Variants in KALRN observed in about 807,000 individuals in gnomAD.
KALRN encodes the protein kalirin.
Under a neutral mutation model 353.7 loss-of-function variants are expected in KALRN, and 70 were observed. That is an observed-to-expected ratio of 0.20 (90% CI 0.16 to 0.24). The LOEUF is 0.24. KALRN is among the 10% of genes least tolerant of loss of function. The pLI is 1.00. For missense variants in KALRN, 2,791 were observed against 3,756.7 expected (o/e 0.74, Z 6.72); for synonymous variants, 1,391 against 1,434.8 (o/e 0.97, Z 0.69).
chr3:124,179,136 G>A (rs1311191089), intron 1 of KALRN, among the ~76,000 whole-genome samples: 1 of 151,906 alleles, frequency 6.6e-6, no homozygotes, highest in Non-Finnish European at 1.5e-5. Flanking sequence ...TAAATGTTTT[G>A]TTTAACCTTA....
At chr3:124,717,522 T>TAA (rs781722322) in intron 59 of KALRN, 137 bp downstream of exon 59, 11 of 503,848 alleles carry the variant, frequency 2.2e-5, no homozygotes, top group South Asian at 8.1e-5. Context: ...CCGTCTCTAC[T>TAA]AAAAATACAA....
intron 1 of KALRN, among the ~76,000 whole-genome samples, chr3:124,185,757 A>G (rs532891063): frequency 6.6e-6 from 1 of 152,230 alleles, no homozygotes; most frequent in African/African-American, 2.4e-5. Flanking sequence ...AGGTGGGGAG[A>G]GGGAGAAGAG....
At chr3:124,428,085 A>G (rs533101241) in intron 15 of KALRN, among the ~76,000 whole-genome samples, 1 of 152,328 alleles carries the variant, frequency 6.6e-6, no homozygotes, top group African/African-American at 2.4e-5. Flanking sequence ...GATGTTTCTT[A>G]ACTTGCACAT....
intron 1 of KALRN, among the ~76,000 whole-genome samples, chr3:124,195,517 G>C (rs1271348882): frequency 2.0e-5 from 3 of 152,070 alleles, no homozygotes; most frequent in Non-Finnish European, 4.4e-5. Context: ...GGTGAGAGGA[G>C]GGAAGAAATC....
chr3:124,110,897 T>G (rs1290536706), intron 1 of KALRN, among the ~76,000 whole-genome samples: 4 of 152,234 alleles, frequency 2.6e-5, no homozygotes, highest in Admixed American at 2.6e-4. Flanking sequence ...TCTGCTTTCC[T>G]ACTCCTCCTG....
intron 1 of KALRN, among the ~76,000 whole-genome samples, chr3:124,056,234 ATTTG>A (rs771469199): frequency 1.3e-5 from 2 of 152,022 alleles, no homozygotes; most frequent in African/African-American, 2.4e-5. Context: ...TTGAAAGGAA[ATTTG>A]TTTGTGTTTA....
At position 124,329,502 on chromosome 3, in the gene KALRN, T is replaced by C. The variant is rs185480783; in HGVS notation, c.1285-359T>C. ...ACAGCCCCTCACGTGTGCCTGTGAG[T>C]GTGCGTGGGGCAAGAAGCTCTAATG... On this transcript the variant is annotated intron_variant, in intron 7 of 59. Transcript: ENST00000682506. Among the ~76,000 whole-genome samples the C allele has an allele frequency of 3.9e-5, 6 of 152,258 alleles. No individual in the cohort carries two copies. The East Asian group carries it at 9.6e-4, about 24-fold the overall frequency.
intron 3 of KALRN, among the ~76,000 whole-genome samples, chr3:124,240,080 T>C (rs749249038): frequency 6.6e-6 from 1 of 152,240 alleles, no homozygotes; most frequent in Non-Finnish European, 1.5e-5. Flanking sequence ...AAGATACTTT[T>C]TACACACATT....
intron 24 of KALRN, 44 bp downstream of exon 24, chr3:124,462,000 A>C (rs2107694777): frequency 7.0e-7 from 1 of 1,431,700 alleles, no homozygotes; most frequent in South Asian, 1.2e-5. Flanking sequence ...TGGAAAAATG[A>C]CATCCTTGCC....
intron 13 of KALRN, among the ~76,000 whole-genome samples, chr3:124,403,413 A>G (rs1244803662): frequency 6.6e-6 from 1 of 152,244 alleles, no homozygotes; most frequent in Non-Finnish European, 1.5e-5. Context: ...AGGATATTCT[A>G]GACAAGGGAC....
chr3:124,073,530 CT>C (rs1396383486), intron 1 of KALRN, among the ~76,000 whole-genome samples: 1 of 152,122 alleles, frequency 6.6e-6, no homozygotes, highest in Admixed American at 6.5e-5. Context: ...GTCACCCCCA[CT>C]TTTTTTAAGT....
At chr3:124,542,367 T>C (rs2069127663) in intron 33 of KALRN, among the ~76,000 whole-genome samples, 1 of 152,166 alleles carries the variant, frequency 6.6e-6, no homozygotes, top group African/African-American at 2.4e-5. Context: ...AAGGGTTAAA[T>C]GAAATGATAC....
chr3:124,222,263 A>G (rs2077999275), intron 1 of KALRN, among the ~76,000 whole-genome samples: 1 of 152,192 alleles, frequency 6.6e-6, no homozygotes, highest in African/African-American at 2.4e-5. Context: ...CCTGCCACCA[A>G]AAAGTAAGAT....
intron 5 of KALRN, among the ~76,000 whole-genome samples, chr3:124,283,347 C>T (rs1004480506): frequency 5.3e-5 from 8 of 152,174 alleles, no homozygotes; most frequent in African/African-American, 1.9e-4. Context: ...TTTTCTCAGC[C>T]TGGATTAAAT....
In KALRN at chr3:124,438,998, C is replaced by T. The variant is rs747176238; in HGVS notation, c.3159C>T (p.Leu1053=). 23 of 1,614,144 alleles carry T rather than the reference C, an allele frequency of 1.4e-5. No individual in the cohort carries two copies. In the South Asian group the frequency reaches 2.1e-4, roughly 15 times the overall value. The change falls in exon 18 of 60, where the codon CTC becomes CTT. Residue 1053 remains leucine, a synonymous_variant. Transcript: ENST00000682506. ...PAAEIDHVIP[L]ISKHLEQKEA... ...CAGAGATCGACCATGTCATTCCCCT[C>T]ATCAGCAAACATTTGGAACAAAAGG...
chr3:124,366,515 T>C (rs2084714151), intron 10 of KALRN, among the ~76,000 whole-genome samples: 1 of 147,738 alleles, frequency 6.8e-6, no homozygotes, highest in Non-Finnish European at 1.5e-5. Context: ...GAGCACAGGG[T>C]TGGGGGTAAG....
intron 3 of KALRN, among the ~76,000 whole-genome samples, chr3:124,258,924 G>A (rs1409642092): frequency 6.6e-6 from 1 of 152,162 alleles, no homozygotes; most frequent in East Asian, 1.9e-4. Context: ...CAGATATGGA[G>A]GGCCAACTGT....
intron 33 of KALRN, among the ~76,000 whole-genome samples, chr3:124,499,230 C>G (rs1253897219): frequency 1.3e-5 from 2 of 152,182 alleles, no homozygotes; most frequent in African/African-American, 4.8e-5. Context: ...CTCCTCCAAC[C>G]ACTCCATGTG....
intron 34 of KALRN, among the ~76,000 whole-genome samples, chr3:124,578,635 G>A (rs1039091177): frequency 6.6e-6 from 1 of 152,188 alleles, no homozygotes; most frequent in Non-Finnish European, 1.5e-5. Context: ...CGGGCTTGGT[G>A]ACGCTTGCCT....
Sources: allele counts gnomAD v4.1 joint callset (sites outside exome capture counted in the v4.1 genomes callset), GRCh38; gene constraint gnomAD v4.1.1; transcripts MANE v1.5; gene names NCBI Gene and HGNC (gene_info 2026-07-23, HGNC 2026-07-21).